MYBPC1: variants seen among roughly 807,000 people sequenced by gnomAD.
MYBPC1 encodes the protein myosin-binding protein C, slow-type.
In MYBPC1, 52 loss-of-function variants were observed where a neutral mutation model predicts 147.1. That is an observed-to-expected ratio of 0.35 (90% CI 0.28 to 0.45). The LOEUF (loss-of-function observed/expected upper bound fraction) is 0.45, where lower values mean the gene tolerates loss of function less well. Among genes scored for constraint, MYBPC1 ranks in the 20% least tolerant of loss-of-function variants. MYBPC1 has a pLI of 1.00. For missense variants in MYBPC1, 1,228 were observed against 1,440.3 expected, an observed-to-expected ratio of 0.85 and a Z score of 2.39; for synonymous variants, 477 against 475.9, an observed-to-expected ratio of 1.00 and a Z score of -0.03.
In MYBPC1 at chr12:101,634,564, G is replaced by A; in HGVS notation, c.567G>A (p.Gly189=). Residue 189 remains glycine (G), a synonymous_variant, in exon 9 of 32, where the codon GGG becomes GGA. Coordinates refer to ENST00000361466, the MANE Select transcript of MYBPC1 (RefSeq NM_002465.4). ...TCTTTCCTTTCAAAGAATCTACTGG[G>A]ACTACTCCAAACATTGACATCAGAT... ...SFDLEVHEST[G]TTPNIDIRSA... 1.2e-6 allele frequency: 2 copies of A among 1,612,800 alleles called. No homozygotes were observed. Among genetic ancestry groups the A allele is most frequent in the Non-Finnish European group, 1.7e-6 (2 of 1,178,938 alleles).
At chr12:101,649,553 A>T in intron 15 of MYBPC1, 127 bp downstream of exon 15, 1 of 1,135,646 alleles carries the variant, frequency 8.8e-7, no homozygotes, top group East Asian at 2.4e-5. Context: ...AATGGATTTC[A>T]TTCCAGCTAA....
intron 3 of MYBPC1, among the ~76,000 whole-genome samples, chr12:101,622,942 A>T (rs184298153): frequency 1.9e-4 from 29 of 152,278 alleles, no homozygotes; most frequent in Admixed American, 2.6e-4. Context: ...CTGCATTCAT[A>T]TGTATTCCTT....
At chr12:101,693,434 T>A in the MYBPC1 span, among the ~76,000 whole-genome samples, 1 of 152,178 alleles carries the variant, frequency 6.6e-6, no homozygotes, top group East Asian at 1.9e-4. Context: ...ACTCTCTCAC[T>A]TTTCAATAAT....
chr12:101,668,647 T>G (rs1364352058), intron 23 of MYBPC1, among the ~76,000 whole-genome samples: 3 of 151,928 alleles, frequency 2.0e-5, no homozygotes, highest in African/African-American at 7.2e-5. Context: ...TATTTTTTAG[T>G]AGAGACAGGG....
At chr12:101,693,145 A>T in the MYBPC1 span, among the ~76,000 whole-genome samples, 1 of 152,032 alleles carries the variant, frequency 6.6e-6, no homozygotes, top group South Asian at 2.1e-4. Context: ...ACAGGGCTTC[A>T]CCGTGTTAGC....
intron 1 of MYBPC1, among the ~76,000 whole-genome samples, chr12:101,606,081 A>C (rs61700381): frequency 4.6e-5 from 7 of 151,470 alleles, no homozygotes; most frequent in African/African-American, 1.5e-4. Flanking sequence ...AGACCCAGCT[A>C]CTCAGGAGGC....
Position 101,642,453 on chromosome 12 carries a change from G to C in MYBPC1, c.700G>C (p.Asp234His). ...GCAGCAGGAGGAAGAACCCCAGGTGGACGTATGGGAGTTGCTGAAGAACGC... is the reference window on the plus strand; with the variant it reads ...GCAGCAGGAGGAAGAACCCCAGGTGCACGTATGGGAGTTGCTGAAGAACGC... ...VKQQEEEPQV[D>H]VWELLKNAKP... Residue 234 changes from aspartate to histidine, a missense_variant, in exon 11 of 32, where the codon GAC (aspartate) becomes CAC (histidine). Physicochemically the swap from Asp to His is moderately conservative, Grantham distance 81 (BLOSUM62 -1). Around this residue, in one of 2 missense-constraint regions of MYBPC1, gnomAD observed 1,077 missense variants for 1,314.2 expected, o/e 0.82. Transcript: ENST00000361466. 1 of 1,614,140 alleles carries C rather than the reference G, an allele frequency of 6.2e-7. No individual in the cohort carries two copies. The highest frequency in any genetic ancestry group is 8.5e-7 in the Non-Finnish European group (1 of 1,180,030).
At chr12:101,658,003 C>T (rs1340105485) in intron 18 of MYBPC1, among the ~76,000 whole-genome samples, 3 of 151,958 alleles carry the variant, frequency 2.0e-5, no homozygotes, top group Admixed American at 2.0e-4. Flanking sequence ...GTGGTGGCTG[C>T]GCCTGTAGTC....
intron 1 of MYBPC1, among the ~76,000 whole-genome samples, chr12:101,611,807 A>C (rs1381279635): frequency 6.6e-6 from 1 of 152,242 alleles, no homozygotes; most frequent in Non-Finnish European, 1.5e-5. Context: ...GGCCGGGCAC[A>C]GTGGCTCACG....
At chr12:101,602,175 G>T (rs770674529) in intron 1 of MYBPC1, among the ~76,000 whole-genome samples, 18 of 152,022 alleles carry the variant, frequency 1.2e-4, no homozygotes, top group Non-Finnish European at 2.4e-4. Context: ...GTCTCAGTAA[G>T]AATTAACTGA....
At chr12:101,642,699 C>A in intron 11 of MYBPC1, 114 bp downstream of exon 11, 2 of 1,229,482 alleles carry the variant, frequency 1.6e-6, no homozygotes, top group Non-Finnish European at 2.3e-6. Flanking sequence ...GGGAGTGGGG[C>A]TGGGTAGGAG....
intron 8 of MYBPC1, among the ~76,000 whole-genome samples, 177 bp downstream of exon 8, chr12:101,632,315 A>G (rs1414088058): frequency 6.6e-6 from 1 of 152,208 alleles, no homozygotes; most frequent in Non-Finnish European, 1.5e-5. Context: ...ATAATTTATA[A>G]TAAAAGTAGA....
intron 1 of MYBPC1, among the ~76,000 whole-genome samples, chr12:101,608,062 G>C (rs1882929601): frequency 6.6e-6 from 1 of 152,220 alleles, no homozygotes; most frequent in African/African-American, 2.4e-5. Flanking sequence ...CTTGGCACAG[G>C]CTGTGCAGGC....
At chr12:101,665,239 G>A (rs139738895) in intron 22 of MYBPC1, among the ~76,000 whole-genome samples, 7 of 152,166 alleles carry the variant, frequency 4.6e-5, no homozygotes, top group East Asian at 1.9e-4. Flanking sequence ...ATATTTTGCC[G>A]AGTAACGTTC....
intron 8 of MYBPC1, 40 bp from the exon 9 acceptor site, chr12:101,634,514 T>G: frequency 6.6e-7 from 1 of 1,518,070 alleles, no homozygotes; most frequent in Non-Finnish European, 9.1e-7. Flanking sequence ...AACTACCTCC[T>G]TAATGGGTAT....
intron 1 of MYBPC1, among the ~76,000 whole-genome samples, chr12:101,609,421 C>T (rs1044090767): frequency 2.0e-5 from 3 of 151,966 alleles, no homozygotes; most frequent in East Asian, 1.9e-4. Flanking sequence ...CCTCCCAAGT[C>T]GCTGGGACTT....
intron 29 of MYBPC1, among the ~76,000 whole-genome samples, chr12:101,682,115 G>T (rs115650426): frequency 0.016 from 2,495 of 151,614 alleles, 57 homozygotes; most frequent in African/African-American, 0.057. Context: ...GTTCATAATT[G>T]CAAGTCATCT....
Position 101,649,361 on chromosome 12 carries a change from C to A in MYBPC1, c.1298C>A (p.Ala433Asp). The A allele has an allele frequency of 6.2e-7, 1 of 1,613,904 alleles. No homozygotes were observed. The highest frequency in any genetic ancestry group is 8.5e-7 in the Non-Finnish European group (1 of 1,179,856). Residue 433 changes from alanine to aspartate, a missense_variant, in exon 15 of 32, where the codon GCT (alanine) becomes GAT (aspartate). Physicochemically the swap from Ala to Asp is moderately radical, Grantham distance 126 (BLOSUM62 -2). Around this residue, in one of 2 missense-constraint regions of MYBPC1, gnomAD observed 1,077 missense variants for 1,314.2 expected, o/e 0.82. Coordinates refer to ENST00000361466, the MANE Select transcript of MYBPC1 (RefSeq NM_002465.4). ...HILIIEGATK[A>D]DAAEYSVMTT... Reference sequence around the variant, plus strand: ...TTGATCATAGAGGGAGCAACAAAGGCTGATGCTGCAGAATATTCAGTAATG... The same window carrying A: ...TTGATCATAGAGGGAGCAACAAAGGATGATGCTGCAGAATATTCAGTAATG...
chr12:101,679,651 T>C (rs542042441), intron 28 of MYBPC1, among the ~76,000 whole-genome samples: 4 of 152,280 alleles, frequency 2.6e-5, no homozygotes, highest in Middle Eastern at 3.4e-3. Flanking sequence ...CATTATCTGA[T>C]TGGAGTAGAT....
Sources: allele counts gnomAD v4.1 joint callset (sites outside exome capture counted in the v4.1 genomes callset), GRCh38; gene constraint gnomAD v4.1.1; regional missense constraint gnomAD v4.1.1; transcripts MANE v1.5; gene names NCBI Gene and HGNC (gene_info 2026-07-23, HGNC 2026-07-21).